Variants in HPSE2 observed in about 807,000 individuals in gnomAD.
HPSE2 encodes the protein heparanase 2 (inactive), also known as inactive heparanase-2.
In HPSE2, 38 loss-of-function variants were observed where a neutral mutation model predicts 60.5. The observed-to-expected ratio is 0.63, with a 90% CI of 0.48 to 0.82. The LOEUF is 0.82. Ranked by LOEUF, HPSE2 falls within the 40% of genes least tolerant of loss-of-function variation. HPSE2 has a pLI of 0.00. For missense variants in HPSE2, 713 were observed against 740.4 expected, an observed-to-expected ratio of 0.96 and a Z score of 0.43; for synonymous variants, 295 against 293.2, an observed-to-expected ratio of 1.01 and a Z score of -0.06.
At chr10:99,150,919 C>A (rs1380007538) in intron 2 of HPSE2, among the ~76,000 whole-genome samples, 1 of 151,886 alleles carries the variant, frequency 6.6e-6, no homozygotes, top group Non-Finnish European at 1.5e-5. Flanking sequence ...CATTAAGGGT[C>A]CAAAATGTTT....
In HPSE2 at chr10:98,780,760, A is replaced by T. The variant is rs56203108; in HGVS notation, c.611-36704T>A. ...AATTGAAATAAATAGATCTTAAAAC[A>T]GAGCAAAACTTCTGAGAAAATTTCT... On this transcript the variant is annotated intron_variant, in intron 3 of 11. Transcript: ENST00000370552. Among the ~76,000 whole-genome samples, 593 of 152,308 alleles carry T rather than the reference A, an allele frequency of 3.9e-3. 9 individuals are homozygous for T. Among genetic ancestry groups the T allele is most frequent in the African/African-American group, 0.014 (572 of 41,570 alleles).
intron 9 of HPSE2, among the ~76,000 whole-genome samples, chr10:98,518,557 A>T (rs1207146272): frequency 1.3e-5 from 2 of 152,026 alleles, no homozygotes; most frequent in Admixed American, 6.6e-5. Flanking sequence ...AATGAAAAAA[A>T]ATTAGCTGGG....
At chr10:99,204,983 C>G (rs1176420155) in intron 2 of HPSE2, among the ~76,000 whole-genome samples, 1 of 152,136 alleles carries the variant, frequency 6.6e-6, no homozygotes, top group African/African-American at 2.4e-5. Context: ...CCTAAGTGAA[C>G]TAACTCAGAA....
At chr10:98,550,590 CCT>C (rs1481678427) in intron 9 of HPSE2, among the ~76,000 whole-genome samples, 3 of 151,858 alleles carry the variant, frequency 2.0e-5, no homozygotes, top group Non-Finnish European at 4.4e-5. Context: ...TGCCTCAGCC[CCT>C]GAGTAGCTGG....
chr10:99,291,242 C>G, the HPSE2 span, among the ~76,000 whole-genome samples: 2 of 152,172 alleles, frequency 1.3e-5, no homozygotes, highest in African/African-American at 4.8e-5. Context: ...TTACAAGGGT[C>G]TGGTCTTCAT....
At chr10:98,904,431 G>T (rs1223019152) in intron 3 of HPSE2, among the ~76,000 whole-genome samples, 1 of 152,108 alleles carries the variant, frequency 6.6e-6, no homozygotes, top group African/African-American at 2.4e-5. Flanking sequence ...GGGCTTTGAA[G>T]ATGAAGAGAA....
upstream of HPSE2, among the ~76,000 whole-genome samples, chr10:99,238,281 T>C (rs1274995907): frequency 6.6e-6 from 1 of 152,210 alleles, no homozygotes; most frequent in African/African-American, 2.4e-5. Context: ...AATTAATACC[T>C]TTCAAAAATA....
intron 3 of HPSE2, among the ~76,000 whole-genome samples, chr10:99,017,655 T>C (rs1372987364): frequency 6.6e-6 from 1 of 152,208 alleles, no homozygotes; most frequent in Admixed American, 6.5e-5. Flanking sequence ...TGTCTACTCC[T>C]GAGCTTTTTT....
chr10:99,235,531 C>G lies in HPSE2; in HGVS notation c.272G>C (p.Gly91Ala). 1 of 1,614,058 alleles carries G rather than the reference C, an allele frequency of 6.2e-7. No homozygotes were observed. Among genetic ancestry groups the G allele is most frequent in the Non-Finnish European group, 8.5e-7 (1 of 1,180,022 alleles). ...LQLDPSIIHD[G>A]WLDFLSSKRL... ...GCCTTACCTTAGGAAATCGAGCCAGCCATCATGAATGATGGACGGATCCAG... is the reference window on the plus strand; with the variant it reads ...GCCTTACCTTAGGAAATCGAGCCAGGCATCATGAATGATGGACGGATCCAG... The change falls in exon 1 of 12, where the codon GGC becomes GCC. Residue 91 changes from glycine to alanine, a missense_variant. Gly to Ala is a moderately conservative substitution (Grantham distance 60, BLOSUM62 0). Coordinates refer to ENST00000370552, the MANE Select transcript of HPSE2 (RefSeq NM_021828.5).
the HPSE2 span, among the ~76,000 whole-genome samples, chr10:99,283,106 A>T: frequency 1.6e-4 from 25 of 152,012 alleles, no homozygotes; most frequent in Admixed American, 7.2e-4. Flanking sequence ...GAATGGTGTG[A>T]ACCCAAAAGG....
At position 98,606,734 on chromosome 10, in the gene HPSE2, C is replaced by T. The variant is rs556602836; in HGVS notation, c.1320+8170G>A. Reference sequence around the variant, plus strand: ...TTTAAAAAAATGTTATAGTGTAGTACATTTAAATAAGAATTAAAAAGCAGA... The same window carrying T: ...TTTAAAAAAATGTTATAGTGTAGTATATTTAAATAAGAATTAAAAAGCAGA... On this transcript the variant is annotated intron_variant, in intron 9 of 11. Coordinates refer to ENST00000370552, the MANE Select transcript of HPSE2 (RefSeq NM_021828.5). Among the ~76,000 whole-genome samples the T allele has an allele frequency of 2.6e-5, 4 of 152,056 alleles. No individual in the cohort carries two copies. In the South Asian group the frequency reaches 8.3e-4, roughly 32 times the overall value.
intron 3 of HPSE2, among the ~76,000 whole-genome samples, chr10:99,045,669 T>C (rs181246192): frequency 1.8e-4 from 28 of 152,082 alleles, no homozygotes; most frequent in Admixed American, 7.2e-4. Flanking sequence ...ACTGATCCCA[T>C]AGAAATACAA....
chr10:99,048,220 C>CTA, intron 3 of HPSE2: 1 of 603,062 alleles, frequency 1.7e-6, no homozygotes, highest in Middle Eastern at 3.9e-4. Context: ...TTCATGAGAT[C>CTA]TATACTATTG....
intron 3 of HPSE2, among the ~76,000 whole-genome samples, chr10:99,052,040 C>G (rs1564767298): frequency 6.6e-6 from 1 of 151,186 alleles, no homozygotes; most frequent in Non-Finnish European, 1.5e-5. Flanking sequence ...ATAAAAATTA[C>G]TCTACAGGGT....
At chr10:99,148,471 A>C (rs1846135783) in intron 2 of HPSE2, among the ~76,000 whole-genome samples, 1 of 152,164 alleles carries the variant, frequency 6.6e-6, no homozygotes, top group South Asian at 2.1e-4. Context: ...AAGTACAAAT[A>C]TGGAAAATAA....
rs138359717 is a variant in HPSE2 at position 99,104,354 on chromosome 10, A to C, written c.610+39884T>G. Among the ~76,000 whole-genome samples, 674 of 152,226 alleles carry C rather than the reference A, an allele frequency of 4.4e-3. 5 individuals are homozygous for C. Among genetic ancestry groups the C allele is most frequent in the South Asian group, 0.031 (151 of 4,824 alleles). ...TGAATAGAAATGCAAATCAAAAACC[A>C]CAATGAGACACCATCTCACACCAGT... On this transcript the variant is annotated intron_variant, in intron 3 of 11. Transcript: ENST00000370552.
intron 11 of HPSE2, chr10:98,461,716 A>G: frequency 7.1e-7 from 1 of 1,413,358 alleles, no homozygotes; most frequent in Non-Finnish European, 9.8e-7. Context: ...AAAACCTTCA[A>G]TGGTTTCTCC....
chr10:99,058,676 T>C (rs1958167858), intron 3 of HPSE2, among the ~76,000 whole-genome samples: 1 of 152,188 alleles, frequency 6.6e-6, no homozygotes, highest in Admixed American at 6.5e-5. Context: ...GAAAATATGA[T>C]TTTAAAAACT....
chr10:98,800,697 G>C (rs1950886264), intron 3 of HPSE2, among the ~76,000 whole-genome samples: 1 of 151,764 alleles, frequency 6.6e-6, no homozygotes. Flanking sequence ...AATCTGAACA[G>C]AAAAATAACA....
Sources: allele counts gnomAD v4.1 joint callset (sites outside exome capture counted in the v4.1 genomes callset), GRCh38; gene constraint gnomAD v4.1.1; transcripts MANE v1.5; gene names NCBI Gene and HGNC (gene_info 2026-07-23, HGNC 2026-07-21).